HECW2: variants seen among roughly 807,000 people sequenced by gnomAD.
HECW2 encodes the protein E3 ubiquitin-protein ligase HECW2.
In HECW2, 61 loss-of-function variants were observed where a neutral mutation model predicts 175.2. That is an observed-to-expected ratio of 0.35 (90% CI 0.28 to 0.43). The LOEUF is 0.43. Ranked by LOEUF, HECW2 falls within the 20% of genes least tolerant of loss-of-function variation. HECW2 has a pLI of 1.00. For synonymous variants in HECW2, 671 were observed against 731.0 expected, an observed-to-expected ratio of 0.92 and a Z score of 1.32; for missense variants, 1,524 against 2,000.5, an observed-to-expected ratio of 0.76 and a Z score of 4.54.
At chr2:196,458,367 A>T (rs1696596862) in intron 1 of HECW2, among the ~76,000 whole-genome samples, 1 of 152,214 alleles carries the variant, frequency 6.6e-6, no homozygotes, top group South Asian at 2.1e-4. Context: ...CCAGGCTCTG[A>T]AAAGGAAAGG....
intron 1 of HECW2, among the ~76,000 whole-genome samples, chr2:196,448,154 T>G (rs988256330): frequency 1.3e-5 from 2 of 152,258 alleles, no homozygotes; most frequent in Non-Finnish European, 2.9e-5. Flanking sequence ...TGGTGTAAGA[T>G]AAAATAAACT....
Position 196,292,552 on chromosome 2 carries a change from T to G in HECW2, c.3000+13A>C. On this transcript the variant is annotated intron_variant, in intron 14 of 28. Transcript: ENST00000644978. ...GGCATTTGGCACTCCCTGAGGCATC[T>G]CCCTCGTGTTACCTTGCCCTGGTGA... The G allele has an allele frequency of 6.2e-7, 1 of 1,606,498 alleles. No individual in the cohort carries two copies.
intron 18 of HECW2, among the ~76,000 whole-genome samples, chr2:196,254,563 G>C (rs11902261): frequency 0.097 from 14,695 of 152,158 alleles, 1,395 homozygotes; most frequent in African/African-American, 0.25. Flanking sequence ...TTTCACATGT[G>C]AGGATTTGGA....
chr2:196,560,086 G>A (rs1689943467), intron 1 of HECW2, among the ~76,000 whole-genome samples: 2 of 152,110 alleles, frequency 1.3e-5, no homozygotes, highest in Non-Finnish European at 2.9e-5. Flanking sequence ...GATTCAACAG[G>A]GCTGGATTAG....
chr2:196,221,131 G>A (rs1687652258), intron 24 of HECW2, among the ~76,000 whole-genome samples, 190 bp from the exon 25 acceptor site: 1 of 152,170 alleles, frequency 6.6e-6, no homozygotes, highest in Non-Finnish European at 1.5e-5. Context: ...CATTGAGGGG[G>A]TGCTTGAAAG....
At chr2:196,352,652 G>A (rs1236123112) in intron 2 of HECW2, among the ~76,000 whole-genome samples, 1 of 152,104 alleles carries the variant, frequency 6.6e-6, no homozygotes, top group Non-Finnish European at 1.5e-5. Flanking sequence ...ATATAGTCAA[G>A]TCTGAACCAC....
At chr2:196,396,343 A>C (rs1694660929) in intron 2 of HECW2, among the ~76,000 whole-genome samples, 1 of 152,264 alleles carries the variant, frequency 6.6e-6, no homozygotes, top group Non-Finnish European at 1.5e-5. Flanking sequence ...AGATAAACAC[A>C]TATAATCAAT....
chr2:196,241,995 C>T, intron 20 of HECW2, 89 bp downstream of exon 20: 1 of 1,271,338 alleles, frequency 7.9e-7, no homozygotes. Flanking sequence ...GGCTAGTCAT[C>T]CCAAATCACA....
intron 3 of HECW2, among the ~76,000 whole-genome samples, chr2:196,339,314 A>G (rs1253972333): frequency 1.3e-5 from 2 of 152,248 alleles, no homozygotes; most frequent in African/African-American, 4.8e-5. Context: ...AGCACCACTC[A>G]GAGAAAAGAC....
chr2:196,566,959 T>C (rs1690211895), intron 1 of HECW2, among the ~76,000 whole-genome samples: 1 of 152,154 alleles, frequency 6.6e-6, no homozygotes, highest in Non-Finnish European at 1.5e-5. Flanking sequence ...CAAAATCTAA[T>C]CTCTCCTTCT....
At chr2:196,515,452 T>C (rs1688114535) in intron 1 of HECW2, among the ~76,000 whole-genome samples, 2 of 152,212 alleles carry the variant, frequency 1.3e-5, no homozygotes, top group Admixed American at 1.3e-4. Flanking sequence ...CATGACACCC[T>C]GACATCTAAA....
chr2:196,349,451 G>A (rs1466443048), intron 2 of HECW2, among the ~76,000 whole-genome samples: 1 of 152,054 alleles, frequency 6.6e-6, no homozygotes, highest in Non-Finnish European at 1.5e-5. Flanking sequence ...GTCCCTTTGT[G>A]TCTCACGACT....
intron 28 of HECW2, among the ~76,000 whole-genome samples, chr2:196,206,322 C>A (rs1230875098): frequency 1.3e-5 from 2 of 152,188 alleles, no homozygotes; most frequent in Non-Finnish European, 2.9e-5. Flanking sequence ...TAAAAATTCT[C>A]CAGACATCTG....
chr2:196,544,345 G>C (rs1438345701), intron 1 of HECW2, among the ~76,000 whole-genome samples: 1 of 152,160 alleles, frequency 6.6e-6, no homozygotes, highest in Non-Finnish European at 1.5e-5. Context: ...TGGTTAATGA[G>C]GTCCCATTTG....
chr2:196,552,939 CA>C (rs1689653396), intron 1 of HECW2, among the ~76,000 whole-genome samples: 1 of 152,186 alleles, frequency 6.6e-6, no homozygotes, highest in African/African-American at 2.4e-5. Flanking sequence ...AGAAAGTCTC[CA>C]AATCTCCATC....
chr2:196,279,740 C>A lies in HECW2; in HGVS notation c.3001-1078G>T. On this transcript the variant is annotated intron_variant, in intron 14 of 28. Transcript: ENST00000644978. ...TTTAGTCGCCCATTACACACCCATA[C>A]AAACTCATCACATACCGTCTAGAAC... 1.3e-5 allele frequency among the ~76,000 whole-genome samples: 2 copies of A among 152,206 alleles called. 1 individual carries two copies. Among genetic ancestry groups the A allele is most frequent in the African/African-American group, 4.8e-5 (2 of 41,446 alleles).
intron 1 of HECW2, among the ~76,000 whole-genome samples, chr2:196,575,953 G>C (rs1690546919): frequency 6.6e-6 from 1 of 152,164 alleles, no homozygotes; most frequent in African/African-American, 2.4e-5. Flanking sequence ...TCATAAATGA[G>C]TGGGACCCAA....
chr2:196,231,558 A>T (rs1323289911), intron 21 of HECW2, among the ~76,000 whole-genome samples: 1 of 152,256 alleles, frequency 6.6e-6, no homozygotes, highest in Non-Finnish European at 1.5e-5. Flanking sequence ...TCCTGCTACA[A>T]GGGCAGAGTT....
intron 28 of HECW2, among the ~76,000 whole-genome samples, chr2:196,215,066 C>T (rs1687423907): frequency 6.6e-6 from 1 of 152,184 alleles, no homozygotes; most frequent in Admixed American, 6.5e-5. Flanking sequence ...CTCAAAAATG[C>T]TACAGTATTA....
Sources: allele counts gnomAD v4.1 joint callset (sites outside exome capture counted in the v4.1 genomes callset), GRCh38; gene constraint gnomAD v4.1.1; transcripts MANE v1.5; gene names NCBI Gene and HGNC (gene_info 2026-07-23, HGNC 2026-07-21).